COP1: variants seen among roughly 807,000 people sequenced by gnomAD.
COP1 encodes E3 ubiquitin-protein ligase COP1.
In COP1, 24 loss-of-function variants were observed where a neutral mutation model predicts 101.3. The observed-to-expected ratio is 0.24, with a 90% CI of 0.17 to 0.33. The LOEUF (loss-of-function observed/expected upper bound fraction) is 0.33. Among genes scored for constraint, COP1 ranks in the 10% least tolerant of loss-of-function variants. The pLI is 1.00. For missense variants in COP1, 663 were observed against 906.2 expected, an observed-to-expected ratio of 0.73 and a Z score of 3.45; for synonymous variants, 347 against 341.9, an observed-to-expected ratio of 1.01 and a Z score of -0.17.
At chr1:176,090,645 G>C (rs562979680) in intron 9 of COP1, among the ~76,000 whole-genome samples, 1 of 152,120 alleles carries the variant, frequency 6.6e-6, no homozygotes, top group Admixed American at 6.5e-5. Context: ...CCCAGGGACC[G>C]CAAGTAGGGA....
At position 176,206,947 on chromosome 1, in the gene COP1, G is replaced by C; in HGVS notation, c.32C>G (p.Ser11Cys). 2 of 1,449,794 alleles carry C rather than the reference G, an allele frequency of 1.4e-6. No homozygotes were observed. The highest frequency in any genetic ancestry group is 1.8e-6 in the Non-Finnish European group (2 of 1,104,888). 89.8% of individuals were successfully genotyped at this position (1,449,794 alleles called of 1,614,324 possible). Reference sequence around the variant, plus strand: ...CGAGGACCCGGGGCTTGTCCCAGCGGAGCCCGACCCGGCCTGGCGGCTACC... The same window carrying C: ...CGAGGACCCGGGGCTTGTCCCAGCGCAGCCCGACCCGGCCTGGCGGCTACC... MSGSRQAGSG[S>C]AGTSPGSSAA... is the part of the protein sequence containing the mutation. Residue 11 changes from serine (S) to cysteine (C), a missense_variant, in exon 1 of 20, where the codon TCC becomes TGC. This residue lies in a region of COP1 where 204 missense variants were observed against 203.6 expected (regional missense o/e 1.00). Transcript: ENST00000367669.
chr1:176,191,614 C>T (rs904718576), intron 1 of COP1, among the ~76,000 whole-genome samples: 35 of 151,960 alleles, frequency 2.3e-4, no homozygotes, highest in African/African-American at 8.0e-4. Context: ...AAACCTCAAA[C>T]TCTTCTTTAC....
At chr1:175,949,331 T>G (rs562144661) in intron 18 of COP1, among the ~76,000 whole-genome samples, 19 of 151,962 alleles carry the variant, frequency 1.3e-4, no homozygotes, top group African/African-American at 4.6e-4. Flanking sequence ...AAGATGAATT[T>G]GGGATTTATT....
chr1:176,056,234 C>A (rs1310217315), intron 11 of COP1, among the ~76,000 whole-genome samples: 1 of 151,980 alleles, frequency 6.6e-6, no homozygotes, highest in Admixed American at 6.5e-5. Context: ...TTCTGATGTT[C>A]CATGGACAAT....
chr1:175,985,192 T>C (rs187331975), intron 18 of COP1, among the ~76,000 whole-genome samples: 6 of 152,330 alleles, frequency 3.9e-5, no homozygotes, highest in Middle Eastern at 6.8e-3. Flanking sequence ...CTTGTAAGCA[T>C]AGCTACTTTC....
At chr1:176,085,640 A>G (rs1296201435) in intron 10 of COP1, 136 bp downstream of exon 10, 3 of 459,598 alleles carry the variant, frequency 6.5e-6, no homozygotes, top group Non-Finnish European at 1.2e-5. Flanking sequence ...AAGAACCTCC[A>G]TGATGATCTG....
chr1:176,111,972 G>A (rs1685368554), intron 9 of COP1, among the ~76,000 whole-genome samples: 1 of 152,200 alleles, frequency 6.6e-6, no homozygotes, highest in African/African-American at 2.4e-5. Context: ...TGGCAGACCT[G>A]TTATTTAATC....
At chr1:176,126,664 G>A (rs970783029) in intron 8 of COP1, among the ~76,000 whole-genome samples, 11 of 152,088 alleles carry the variant, frequency 7.2e-5, no homozygotes, top group Non-Finnish European at 1.3e-4. Context: ...ATGTTGGCCA[G>A]GATGATCTCA....
chr1:176,189,266 T>C (rs796297882), intron 1 of COP1, among the ~76,000 whole-genome samples: 19 of 152,288 alleles, frequency 1.2e-4, no homozygotes, highest in African/African-American at 4.1e-4. Context: ...GTTCTTTTAT[T>C]ATTGTTACTG....
rs150252681 is a variant in COP1 at position 176,165,170 on chromosome 1, T to C, written c.566-1279A>G. On this transcript the variant is annotated intron_variant, in intron 3 of 19. Coordinates refer to ENST00000367669, the MANE Select transcript of COP1 (RefSeq NM_022457.7). ...TGCATATGATACAGTACTTGTAATA[T>C]AATGTGATAATCAGTACTATCATTA... Among the ~76,000 whole-genome samples, 77 of 152,274 alleles carry C rather than the reference T, an allele frequency of 5.1e-4. No individual in the cohort carries two copies. In the East Asian group the frequency reaches 0.013, roughly 26 times the overall value.
At chr1:176,076,544 C>G (rs1558057303) in intron 11 of COP1, among the ~76,000 whole-genome samples, 1 of 60,830 alleles carries the variant, frequency 1.6e-5, no homozygotes, top group Non-Finnish European at 5.4e-5. Flanking sequence ...AATTAATGAC[C>G]TTACATCACA....
chr1:176,049,991 C>T (rs1045291243), intron 11 of COP1, among the ~76,000 whole-genome samples: 3 of 152,158 alleles, frequency 2.0e-5, no homozygotes, highest in African/African-American at 7.2e-5. Flanking sequence ...TACTGCTATA[C>T]AACGTTCATT....
intron 1 of COP1, among the ~76,000 whole-genome samples, chr1:176,205,661 A>G (rs959493987): frequency 2.0e-5 from 3 of 152,240 alleles, no homozygotes; most frequent in Admixed American, 1.3e-4. Flanking sequence ...AAAATCCAAT[A>G]AAAATTCCAA....
At chr1:176,092,490 T>C (rs1296975439) in intron 9 of COP1, among the ~76,000 whole-genome samples, 3 of 152,062 alleles carry the variant, frequency 2.0e-5, no homozygotes, top group African/African-American at 7.2e-5. Context: ...CAAAAACAAA[T>C]GATTAGTATC....
In COP1 at chr1:176,149,878, T is replaced by C. The variant is rs191613333; in HGVS notation, c.763-804A>G. Among the ~76,000 whole-genome samples, 749 of 152,160 alleles carry C rather than the reference T, an allele frequency of 4.9e-3. 8 individuals carry two copies. The highest frequency in any genetic ancestry group is 8.2e-3 in the Non-Finnish European group (560 of 67,970). ...GAGACAGTTTATGAACAAACATCAT[T>C]CTAATTTTTTCTTATATACTTGAAA... On this transcript the variant is annotated intron_variant, in intron 5 of 19. Transcript: ENST00000367669.
At chr1:176,126,946 T>C (rs529922018) in intron 8 of COP1, among the ~76,000 whole-genome samples, 1 of 152,346 alleles carries the variant, frequency 6.6e-6, no homozygotes, top group South Asian at 2.1e-4. Context: ...AAAGTCTATT[T>C]ACACCAAAAT....
chr1:176,169,392 T>C (rs1250084248), intron 3 of COP1, among the ~76,000 whole-genome samples: 1 of 152,182 alleles, frequency 6.6e-6, no homozygotes, highest in Non-Finnish European at 1.5e-5. Flanking sequence ...TTAAGACTTC[T>C]TAATGCTTAA....
intron 18 of COP1, among the ~76,000 whole-genome samples, chr1:175,985,596 T>A (rs1225828141): frequency 6.6e-6 from 1 of 152,180 alleles, no homozygotes; most frequent in African/African-American, 2.4e-5. Flanking sequence ...GAAGCTAGTA[T>A]AAGCACTTTC....
intron 10 of COP1, among the ~76,000 whole-genome samples, chr1:176,081,973 A>C (rs997001063): frequency 1.3e-5 from 2 of 152,222 alleles, no homozygotes; most frequent in Non-Finnish European, 2.9e-5. Flanking sequence ...TACAGTATAC[A>C]AAAACCTTGG....
Sources: allele counts gnomAD v4.1 joint callset (sites outside exome capture counted in the v4.1 genomes callset), GRCh38; gene constraint gnomAD v4.1.1; regional missense constraint gnomAD v4.1.1; transcripts MANE v1.5; gene names NCBI Gene and HGNC (gene_info 2026-07-23, HGNC 2026-07-21).